Variants in SPTLC2 observed in about 807,000 individuals in gnomAD.
The protein encoded by SPTLC2 is serine palmitoyltransferase 2.
SPTLC2 carries 21 observed loss-of-function variants against 62.0 expected under a neutral mutation model. That is an observed-to-expected ratio of 0.34 (90% CI 0.24 to 0.49). The LOEUF (loss-of-function observed/expected upper bound fraction) is 0.49, where lower values mean the gene tolerates loss of function less well. Among genes scored for constraint, SPTLC2 ranks in the 20% least tolerant of loss-of-function variants. SPTLC2 has a pLI of 0.99. For synonymous variants in SPTLC2, 261 were observed against 261.8 expected, an observed-to-expected ratio of 1.00 and a Z score of 0.03; for missense variants, 511 against 713.0, an observed-to-expected ratio of 0.72 and a Z score of 3.23.
At chr14:77,597,464 G>T in intron 1 of SPTLC2, 84 bp from the exon 2 acceptor site, 1 of 1,309,824 alleles carries the variant, frequency 7.6e-7, no homozygotes, top group Non-Finnish European at 1.1e-6. Flanking sequence ...GAGATTTGCT[G>T]AATTATACCT....
intron 1 of SPTLC2, among the ~76,000 whole-genome samples, chr14:77,611,443 G>A (rs1434098880): frequency 7.8e-6 from 1 of 128,460 alleles, no homozygotes; most frequent in East Asian, 2.3e-4. Context: ...AGGCTGGAGC[G>A]AGACCCTATC....
chr14:77,605,716 A>G (rs1023902013), intron 1 of SPTLC2, among the ~76,000 whole-genome samples: 5 of 152,224 alleles, frequency 3.3e-5, no homozygotes, highest in Non-Finnish European at 7.3e-5. Flanking sequence ...AAATTTCATA[A>G]CAGCCCTAAA....
At chr14:77,607,685 T>G (rs911483909) in intron 1 of SPTLC2, among the ~76,000 whole-genome samples, 7 of 152,260 alleles carry the variant, frequency 4.6e-5, no homozygotes, top group African/African-American at 1.4e-4. Flanking sequence ...AATTAGCTAT[T>G]TTTGTTATTC....
intron 1 of SPTLC2, among the ~76,000 whole-genome samples, chr14:77,613,330 T>G (rs2079947851): frequency 6.6e-6 from 1 of 152,204 alleles, no homozygotes. Context: ...AATGCTAATG[T>G]AAAAGTTTCC....
At chr14:77,553,798 G>A (rs2079568240) in intron 8 of SPTLC2, among the ~76,000 whole-genome samples, 1 of 150,922 alleles carries the variant, frequency 6.6e-6, no homozygotes, top group African/African-American at 2.4e-5. Flanking sequence ...CTCTCTAACA[G>A]GCAATCAAGT....
chr14:77,581,405 C>CTTTT (rs1159561282), intron 2 of SPTLC2, among the ~76,000 whole-genome samples: 2,169 of 93,910 alleles, frequency 0.023, 104 homozygotes, highest in African/African-American at 0.056. Context: ...TACCATCTCT[C>CTTTT]TTTTTTTTTT....
intron 1 of SPTLC2, among the ~76,000 whole-genome samples, chr14:77,602,213 T>G (rs969451558): frequency 6.6e-6 from 1 of 152,176 alleles, no homozygotes; most frequent in African/African-American, 2.4e-5. Context: ...CAATCCCAAA[T>G]TCCTTTCCAG....
intron 9 of SPTLC2, among the ~76,000 whole-genome samples, chr14:77,531,446 C>CTTCTT (rs1566770725): frequency 4.8e-5 from 5 of 103,736 alleles, no homozygotes; most frequent in African/African-American, 2.8e-4. Flanking sequence ...TTCTTCTTCT[C>CTTCTT]CTCCTTCTCC....
Position 77,562,446 on chromosome 14 carries a change from A to AC in SPTLC2, c.799dup (p.Val267GlyfsTer12). On this transcript the variant is annotated frameshift_variant, in exon 6 of 12. Transcript: ENST00000216484. LOFTEE classifies it high-confidence loss of function. ...TGCTCCTGACAGTCTGGCTCCCAGA[A>AC]CCAGTGATGCATGATTCAGTTCATC... The AC allele has an allele frequency of 1.2e-6, 2 of 1,614,200 alleles. No individual in the cohort carries two copies. Among genetic ancestry groups the AC allele is most frequent in the Non-Finnish European group, 8.5e-7 (1 of 1,180,026 alleles).
At chr14:77,600,318 G>A (rs2299927) in intron 1 of SPTLC2, among the ~76,000 whole-genome samples, 35,540 of 152,134 alleles carry the variant, frequency 0.23, 4,414 homozygotes, top group East Asian at 0.31. Context: ...GTGAAAAGAA[G>A]TGACTTTGGA....
chr14:77,570,797 G>A (rs909765169), intron 4 of SPTLC2, among the ~76,000 whole-genome samples: 1 of 152,138 alleles, frequency 6.6e-6, no homozygotes, highest in Admixed American at 6.6e-5. Context: ...ACTAGTTCCA[G>A]GTCTAGGCCT....
intron 1 of SPTLC2, among the ~76,000 whole-genome samples, chr14:77,607,058 G>T (rs570023885): frequency 1.3e-5 from 2 of 151,814 alleles, no homozygotes; most frequent in Non-Finnish European, 2.9e-5. Flanking sequence ...TTGTCTTCAA[G>T]AATTGTGCAG....
chr14:77,569,276 C>T (rs4903605), intron 5 of SPTLC2, among the ~76,000 whole-genome samples: 87,762 of 151,932 alleles, frequency 0.58, 26,104 homozygotes, highest in East Asian at 0.91. Flanking sequence ...TGCTATTTTA[C>T]ATTAGGAAAC....
At chr14:77,562,349 A>G in intron 6 of SPTLC2, 47 bp downstream of exon 6, 1 of 1,553,242 alleles carries the variant, frequency 6.4e-7, no homozygotes, top group Non-Finnish European at 8.9e-7. Flanking sequence ...CATGGATCGA[A>G]AGAATAGCAA....
chr14:77,508,651 TAAG>T lies in SPTLC2; in HGVS notation c.*3630_*3632del. The T allele has an allele frequency of 6.6e-6, 1 of 152,164 alleles. No homozygotes were observed. The highest frequency in any genetic ancestry group is 2.4e-5 in the African/African-American group (1 of 41,444). The allele number at this position is 152,164 out of a possible 1,614,324, so 9.4% of individuals were successfully genotyped here. A position where few individuals can be genotyped will look rare whatever the true frequency, so the allele number is the denominator to read the frequency against. Reference sequence around the variant, plus strand: ...CACTCATCCCCCTGGTTTTCACCAATAAGAAGGAAGCAAAGTGTATAACACACT... The same window carrying T: ...CACTCATCCCCCTGGTTTTCACCAATAAGGAAGCAAAGTGTATAACACACT... On this transcript the variant is annotated 3_prime_UTR_variant, in exon 12 of 12. Coordinates refer to ENST00000216484, the MANE Select transcript of SPTLC2 (RefSeq NM_004863.4).
intron 4 of SPTLC2, among the ~76,000 whole-genome samples, chr14:77,574,627 C>T (rs151212201): frequency 5.0e-4 from 76 of 152,294 alleles, no homozygotes; most frequent in African/African-American, 1.7e-3. Context: ...ATAAACAAGA[C>T]GTGGCACCCT....
intron 9 of SPTLC2, among the ~76,000 whole-genome samples, chr14:77,548,424 C>T (rs2140014611): frequency 6.6e-6 from 1 of 152,238 alleles, no homozygotes; most frequent in East Asian, 1.9e-4. Context: ...AATGGAAAAG[C>T]AAAATTTTAG....
chr14:77,589,073 A>T (rs2079800441), intron 2 of SPTLC2, among the ~76,000 whole-genome samples: 2 of 151,514 alleles, frequency 1.3e-5, no homozygotes, highest in African/African-American at 4.8e-5. Flanking sequence ...AAGCATTATA[A>T]ATTCTAAAAG....
At chr14:77,593,294 AT>A (rs2079828655) in intron 2 of SPTLC2, among the ~76,000 whole-genome samples, 2 of 151,898 alleles carry the variant, frequency 1.3e-5, no homozygotes, top group African/African-American at 4.8e-5. Context: ...ATATTAGAAT[AT>A]TTTTTTCTGA....
Sources: allele counts gnomAD v4.1 joint callset (sites outside exome capture counted in the v4.1 genomes callset), GRCh38; gene constraint gnomAD v4.1.1; transcripts MANE v1.5; gene names NCBI Gene and HGNC (gene_info 2026-07-23, HGNC 2026-07-21).